FGF14: variants seen among roughly 807,000 people sequenced by gnomAD.
FGF14 encodes the protein fibroblast growth factor 14.
FGF14 carries 5 observed loss-of-function variants against 25.5 expected under a neutral mutation model. The observed-to-expected ratio is 0.20, with a 90% CI of 0.10 to 0.41. The LOEUF is 0.41. Ranked by LOEUF, FGF14 falls within the 10% of genes least tolerant of loss-of-function variation. FGF14 has a pLI of 1.00. For synonymous variants in FGF14, 138 were observed against 118.3 expected (o/e 1.17, Z -1.08); for missense variants, 222 against 320.1 (o/e 0.69, Z 2.34).
At chr13:102,354,133 G>A (rs1419204788) in intron 1 of FGF14, 1 of 152,128 alleles carries the variant, frequency 6.6e-6, no homozygotes, top group Non-Finnish European at 1.5e-5. Flanking sequence ...TGCCCACTAG[G>A]AAATTCCTTT....
At chr13:101,739,434 A>C (rs1438421309) in intron 3 of FGF14, among the ~76,000 whole-genome samples, 1 of 152,180 alleles carries the variant, frequency 6.6e-6, no homozygotes, top group Non-Finnish European at 1.5e-5. Flanking sequence ...AAAGGTTCTT[A>C]TAAGAAAAGG....
chr13:102,266,750 T>G (rs906502000), intron 1 of FGF14, among the ~76,000 whole-genome samples: 3 of 152,040 alleles, frequency 2.0e-5, no homozygotes, highest in African/African-American at 7.2e-5. Context: ...AAAATATCAG[T>G]ATAGTCATTT....
intron 1 of FGF14, among the ~76,000 whole-genome samples, chr13:101,966,690 T>C (rs776426090): frequency 1.1e-4 from 16 of 151,718 alleles, no homozygotes; most frequent in Non-Finnish European, 2.4e-4. Context: ...ACCATGTTGG[T>C]CAGGCTGGTC....
intron 1 of FGF14, among the ~76,000 whole-genome samples, chr13:102,148,977 C>T (rs2046969536): frequency 1.3e-5 from 2 of 152,178 alleles, no homozygotes; most frequent in African/African-American, 4.8e-5. Context: ...CACAAACACA[C>T]TTTTATACAT....
chr13:102,355,431 T>C (rs2057394407), intron 1 of FGF14, among the ~76,000 whole-genome samples: 1 of 151,840 alleles, frequency 6.6e-6, no homozygotes, highest in Non-Finnish European at 1.5e-5. Flanking sequence ...ACTAACAAGG[T>C]GTTGCTGTAT....
At chr13:102,130,525 C>A (rs146636928) in intron 1 of FGF14, among the ~76,000 whole-genome samples, 27 of 152,158 alleles carry the variant, frequency 1.8e-4, no homozygotes, top group Non-Finnish European at 1.5e-5. Context: ...TAGTTTCAAG[C>A]CAGCAGTCTG....
intron 1 of FGF14, among the ~76,000 whole-genome samples, chr13:102,233,738 T>C (rs1425097416): frequency 6.6e-6 from 1 of 152,196 alleles, no homozygotes; most frequent in Non-Finnish European, 1.5e-5. Context: ...ACCCAGCCAC[T>C]GTTCCAGGAA....
At chr13:102,004,108 T>A (rs1322213575) in intron 1 of FGF14, among the ~76,000 whole-genome samples, 4 of 152,176 alleles carry the variant, frequency 2.6e-5, no homozygotes, top group Non-Finnish European at 4.4e-5. Flanking sequence ...CTGCATTGAC[T>A]AGCATTATTC....
intron 1 of FGF14, among the ~76,000 whole-genome samples, chr13:102,275,245 T>TCTCTCTCC (rs2053464936): frequency 9.9e-6 from 1 of 101,494 alleles, no homozygotes; most frequent in Non-Finnish European, 2.0e-5. Flanking sequence ...TCTCTCTCTC[T>TCTCTCTCC]CTCTCTCTCT....
At chr13:102,252,229 T>C (rs1272754629) in intron 1 of FGF14, among the ~76,000 whole-genome samples, 1 of 152,174 alleles carries the variant, frequency 6.6e-6, no homozygotes, top group African/African-American at 2.4e-5. Flanking sequence ...CTTTTTTACA[T>C]GGCTGAGGCC....
At chr13:101,976,716 G>T (rs1473784023) in intron 1 of FGF14, among the ~76,000 whole-genome samples, 2 of 152,128 alleles carry the variant, frequency 1.3e-5, no homozygotes, top group Admixed American at 1.3e-4. Context: ...TCAGTACTTG[G>T]TTAAATCATA....
At chr13:102,010,834 G>A (rs2040040135) in intron 1 of FGF14, among the ~76,000 whole-genome samples, 1 of 152,204 alleles carries the variant, frequency 6.6e-6, no homozygotes, top group African/African-American at 2.4e-5. Flanking sequence ...CAGTATGTCA[G>A]AGTGACAGCC....
chr13:102,004,099 T>C (rs943017703), intron 1 of FGF14, among the ~76,000 whole-genome samples: 1 of 152,198 alleles, frequency 6.6e-6, no homozygotes, highest in African/African-American at 2.4e-5. Flanking sequence ...CCCATGCTTC[T>C]GCATTGACTA....
intron 1 of FGF14, among the ~76,000 whole-genome samples, chr13:102,300,938 TACACACACAC>T (rs3066020): frequency 1.3e-5 from 1 of 76,874 alleles, no homozygotes; most frequent in African/African-American, 4.7e-5. Context: ...CACACACACA[TACACACACAC>T]ACACACACAC....
chr13:101,953,747 C>T (rs965731521), intron 1 of FGF14, among the ~76,000 whole-genome samples: 4 of 151,768 alleles, frequency 2.6e-5, no homozygotes, highest in African/African-American at 9.7e-5. Context: ...CGTGCCAACA[C>T]GGCTGGCTAA....
rs1252897913 is a variant in FGF14, at chr13:101,718,812, C to A, written c.*4019G>T. On this transcript the variant is annotated 3_prime_UTR_variant, in exon 5 of 5. Transcript: ENST00000376143. ...AAAAAAAAACTAAAATATAACTCAG[C>A]CTTAGTTTGCAGACTCAACTGTCAA... is the stretch of plus-strand genomic sequence containing the variant. 6.6e-6 allele frequency: 1 copy of A among 151,806 alleles called. No individual in the cohort carries two copies. The highest frequency in any genetic ancestry group is 1.5e-5 in the Non-Finnish European group (1 of 67,948). 9.4% of individuals were successfully genotyped at this position (151,806 alleles called of 1,614,324 possible).
intron 1 of FGF14, among the ~76,000 whole-genome samples, chr13:102,102,531 G>A (rs2044709701): frequency 6.6e-6 from 1 of 152,172 alleles, no homozygotes; most frequent in Admixed American, 6.5e-5. Flanking sequence ...AAAAGCTTGA[G>A]GGGCAGAAGG....
Position 101,717,368 on chromosome 13 carries a change from C to G in FGF14, c.*5463G>C, listed in dbSNP as rs1020334092. ...CATGTTGTAGTTCTATTATTGAGTA[C>G]GTAAATTGATAGATCTCTTCCGTAA... On this transcript the variant is annotated 3_prime_UTR_variant, in exon 5 of 5. Transcript: ENST00000376143. The G allele has an allele frequency of 6.6e-6, 1 of 151,968 alleles. No individual in the cohort carries two copies. The highest frequency in any genetic ancestry group is 2.4e-5 in the African/African-American group (1 of 41,370). The allele number at this position is 151,968 out of a possible 1,614,324, so 9.4% of individuals were successfully genotyped here. A position where few individuals can be genotyped will look rare whatever the true frequency, so the allele number is the denominator to read the frequency against.
chr13:101,764,754 T>C lies in FGF14; in HGVS notation c.409-37944A>G, dbSNP rs566565462. Among the ~76,000 whole-genome samples the C allele has an allele frequency of 3.2e-3, 481 of 152,286 alleles. 3 individuals are homozygous for C. The highest frequency in any genetic ancestry group is 5.4e-3 in the Non-Finnish European group (369 of 68,014). On this transcript the variant is annotated intron_variant, in intron 3 of 4. Transcript: ENST00000376143. ...CAAGCTGTGACACAATGGCAAGAGG[T>C]ACTGAAGTTAAGGAAGCCGGAAAAT...
Sources: gnomAD v4.1 joint callset for allele counts (sites outside exome capture counted in the v4.1 genomes callset) on GRCh38, gnomAD v4.1.1 for gene constraint, MANE v1.5 for transcripts, NCBI Gene and HGNC (gene_info 2026-07-23, HGNC 2026-07-21) for gene names.